Variants in CEP350 observed in about 807,000 individuals in gnomAD.
CEP350 encodes centrosome-associated protein 350.
In CEP350, 126 loss-of-function variants were observed where a neutral mutation model predicts 331.8. That is an observed-to-expected ratio of 0.38 (90% CI 0.33 to 0.44). The LOEUF is 0.44. CEP350 is among the 20% of genes least tolerant of loss of function. The pLI is 1.00. For synonymous variants in CEP350, 1,200 were observed against 1,259.5 expected (o/e 0.95, Z 1.00); for missense variants, 3,406 against 3,634.6 (o/e 0.94, Z 1.62).
intron 11 of CEP350, 123 bp from the exon 12 acceptor site, chr1:180,019,826 T>C: frequency 1.3e-6 from 1 of 743,326 alleles, no homozygotes; most frequent in Non-Finnish European, 2.0e-6. Context: ...TTATCTTTTT[T>C]ATATTTTTTA....
chr1:180,017,313 TTAAGTA>T, intron 11 of CEP350, among the ~76,000 whole-genome samples: 1 of 152,352 alleles, frequency 6.6e-6, no homozygotes, highest in South Asian at 2.1e-4. Flanking sequence ...ATTTCAAACT[TTAAGTA>T]TAAATAAACT....
At chr1:180,034,182 T>A in intron 16 of CEP350, 100 bp downstream of exon 16, 1 of 1,313,058 alleles carries the variant, frequency 7.6e-7, no homozygotes, top group Non-Finnish European at 1.0e-6. Context: ...AGAGAAATAT[T>A]ATTTCAAGTG....
At chr1:179,994,558 A>G (rs1653339308) in intron 5 of CEP350, among the ~76,000 whole-genome samples, 2 of 149,212 alleles carry the variant, frequency 1.3e-5, no homozygotes, top group Admixed American at 6.7e-5. Context: ...GGCTCAAGCC[A>G]TCCTCCCACC....
rs143374568 is a variant in CEP350, at chr1:180,110,924, C to T, written c.9190-73C>T. On this transcript the variant is annotated intron_variant, in intron 37 of 37. Transcript: ENST00000367607. ...GGCTGTATTCCTATGGATAGGACTA[C>T]AAAGTCAGCAATTATATTTTCTAGC... The T allele has an allele frequency of 3.5e-4, 476 of 1,345,822 alleles. 3 individuals carry two copies. In the African/African-American group the frequency reaches 5.7e-3, roughly 16 times the overall value. The allele number at this position is 1,345,822 out of a possible 1,614,324, so 83.4% of individuals were successfully genotyped here. A position where few individuals can be genotyped will look rare whatever the true frequency, so the allele number is the denominator to read the frequency against.
chr1:179,995,053 G>T (rs893526977), intron 5 of CEP350, among the ~76,000 whole-genome samples: 2 of 152,136 alleles, frequency 1.3e-5, no homozygotes, highest in African/African-American at 4.8e-5. Context: ...ACACAAAAAA[G>T]ATATTTTACA....
Position 180,060,821 on chromosome 1 carries a change from T to C in CEP350, c.5263-1399T>C, listed in dbSNP as rs559728331. Among the ~76,000 whole-genome samples, 335 of 152,224 alleles carry C rather than the reference T, an allele frequency of 2.2e-3. 1 individual carries two copies. Among genetic ancestry groups the C allele is most frequent in the African/African-American group, 7.4e-3 (309 of 41,552 alleles). ...ATATACATATGATATTTATAAAATA[T>C]TTTTAAACATACAAACCAAATAGTA... On this transcript the variant is annotated intron_variant, in intron 25 of 37. Transcript: ENST00000367607.
rs1178782766 is a variant in CEP350 at position 180,031,761 on chromosome 1, A to G, written c.3725+267A>G. Among the ~76,000 whole-genome samples the G allele has an allele frequency of 2.6e-5, 4 of 152,038 alleles. No individual in the cohort carries two copies. The East Asian group carries it at 5.8e-4, about 22-fold the overall frequency. On this transcript the variant is annotated intron_variant, in intron 15 of 37. Coordinates refer to ENST00000367607, the MANE Select transcript of CEP350 (RefSeq NM_014810.5). Reference sequence around the variant, plus strand: ...TCCCTCTAGCACAGCCCAGTTTTCTATGCTGAATGCCGTTGTTACAATTGT... The same window carrying G: ...TCCCTCTAGCACAGCCCAGTTTTCTGTGCTGAATGCCGTTGTTACAATTGT...
At chr1:180,083,981 T>A in intron 30 of CEP350, 37 bp from the exon 31 acceptor site, 1 of 1,187,158 alleles carries the variant, frequency 8.4e-7, no homozygotes, top group Non-Finnish European at 1.2e-6. Context: ...TATTCTTAAG[T>A]CAAAATTATA....
At chr1:180,024,992 T>C (rs1367271000) in intron 14 of CEP350, among the ~76,000 whole-genome samples, 1 of 151,900 alleles carries the variant, frequency 6.6e-6, no homozygotes, top group Non-Finnish European at 1.5e-5. Context: ...TGGCGTGATC[T>C]TGGCTCACTG....
intron 37 of CEP350, among the ~76,000 whole-genome samples, chr1:180,105,021 A>C (rs943484807): frequency 2.0e-5 from 3 of 151,546 alleles, no homozygotes; most frequent in African/African-American, 7.3e-5. Context: ...TTACAATAAA[A>C]CTCCTTTAAT....
At chr1:179,963,646 A>G (rs1026931824) in intron 1 of CEP350, among the ~76,000 whole-genome samples, 1 of 151,718 alleles carries the variant, frequency 6.6e-6, no homozygotes, top group Non-Finnish European at 1.5e-5. Context: ...TCAACTGGTT[A>G]TAGGTGTATG....
rs987534196 is a variant in CEP350, at chr1:180,113,278, T to C, written c.*2117T>C. Reference sequence around the variant, plus strand: ...TTTATAAATGAATTTCAAAATGTTATAATGGGACTGTAGGTTGTTTTTCTA... The same window carrying C: ...TTTATAAATGAATTTCAAAATGTTACAATGGGACTGTAGGTTGTTTTTCTA... On this transcript the variant is annotated 3_prime_UTR_variant, in exon 38 of 38. Coordinates refer to ENST00000367607, the MANE Select transcript of CEP350 (RefSeq NM_014810.5). 2 of 152,214 alleles carry C rather than the reference T, an allele frequency of 1.3e-5. No individual in the cohort carries two copies. The highest frequency in any genetic ancestry group is 2.4e-5 in the African/African-American group (1 of 41,458). The allele number at this position is 152,214 out of a possible 1,614,324, so 9.4% of individuals were successfully genotyped here.
chr1:179,969,203 T>C, intron 1 of CEP350: 1 of 554,608 alleles, frequency 1.8e-6, no homozygotes, highest in Non-Finnish European at 3.4e-6. Flanking sequence ...CACCATTTCC[T>C]GTGAACACCC....
chr1:180,100,794 G>A (rs1028621428), intron 37 of CEP350, among the ~76,000 whole-genome samples: 1 of 152,166 alleles, frequency 6.6e-6, no homozygotes, highest in Non-Finnish European at 1.5e-5. Flanking sequence ...GAGAAAATGA[G>A]GAGGAAGCAA....
At chr1:180,004,547 A>G (rs1367726603) in intron 7 of CEP350, among the ~76,000 whole-genome samples, 3 of 152,166 alleles carry the variant, frequency 2.0e-5, no homozygotes, top group Non-Finnish European at 4.4e-5. Context: ...TCTTGTTTTC[A>G]GCAAAACTGC....
At chr1:180,035,695 G>A (rs1396869197) in intron 16 of CEP350, among the ~76,000 whole-genome samples, 1 of 152,044 alleles carries the variant, frequency 6.6e-6, no homozygotes, top group African/African-American at 2.4e-5. Context: ...TTTTTTCAAA[G>A]TGTTTTTTTC....
At chr1:179,976,917 T>A (rs1002969683) in intron 1 of CEP350, among the ~76,000 whole-genome samples, 2 of 152,192 alleles carry the variant, frequency 1.3e-5, no homozygotes, top group Non-Finnish European at 2.9e-5. Flanking sequence ...GAAAATGAGG[T>A]ACTAGCATTA....
chr1:180,046,836 T>A (rs969145571), intron 21 of CEP350, among the ~76,000 whole-genome samples: 1 of 152,208 alleles, frequency 6.6e-6, no homozygotes, highest in Non-Finnish European at 1.5e-5. Context: ...CTACTACAAG[T>A]TTATTGAGTG....
At position 180,094,164 on chromosome 1, in the gene CEP350, G is replaced by C; in HGVS notation, c.8059G>C (p.Asp2687His). The change falls in exon 34 of 38, where the codon GAC becomes CAC. Residue 2687 changes from aspartate (D) to histidine (H), a missense_variant. By Grantham distance (81) the Asp-to-His change is moderately conservative. Transcript: ENST00000367607. The stretch of plus-strand genomic sequence containing the variant: ...CATCGCTGCAGAAGATGACACTTTA[G>C]ACAATACCTTTTCCGAAGAATTGGA... ...VSIAAEDDTL[D>H]NTFSEELEKQ... 10 of 1,613,530 alleles carry C rather than the reference G, an allele frequency of 6.2e-6. No individual in the cohort carries two copies. Among genetic ancestry groups the C allele is most frequent in the Non-Finnish European group, 8.5e-6 (10 of 1,179,674 alleles).
Sources: gnomAD v4.1 joint callset for allele counts (sites outside exome capture counted in the v4.1 genomes callset) on GRCh38, gnomAD v4.1.1 for gene constraint, MANE v1.5 for transcripts, NCBI Gene and HGNC (gene_info 2026-07-23, HGNC 2026-07-21) for gene names.